Variants in SORCS2 observed in about 807,000 individuals in gnomAD.
The protein encoded by SORCS2 is VPS10 domain-containing receptor SorCS2.
SORCS2 carries 100 observed loss-of-function variants against 141.6 expected under a neutral mutation model. The observed-to-expected ratio is 0.71, with a 90% CI of 0.60 to 0.83. The LOEUF is 0.83. Ranked by LOEUF, SORCS2 falls within the 40% of genes least tolerant of loss-of-function variation. SORCS2 has a pLI of 0.00. For synonymous variants in SORCS2, 789 were observed against 676.9 expected, an observed-to-expected ratio of 1.17 and a Z score of -2.57; for missense variants, 1,646 against 1,560.2, an observed-to-expected ratio of 1.05 and a Z score of -0.93.
In SORCS2 at chr4:7,742,612, C is replaced by T. The variant is rs1340090419; in HGVS notation, c.*2348C>T. ...AGCCTGATACGTTCCCGTCTGTGCA[C>T]CCATGGAGATCCAGGCGTGGGCCCG... On this transcript the variant is annotated 3_prime_UTR_variant, in exon 27 of 27. Coordinates refer to ENST00000507866, the MANE Select transcript of SORCS2 (RefSeq NM_020777.3). 1.3e-5 allele frequency: 2 copies of T among 152,142 alleles called. No homozygotes were observed. Among genetic ancestry groups the T allele is most frequent in the Non-Finnish European group, 2.9e-5 (2 of 68,040 alleles). 9.4% of individuals were successfully genotyped at this position (152,142 alleles called of 1,614,324 possible).
chr4:7,740,298 G>T lies in SORCS2; in HGVS notation c.*34G>T. 6.3e-7 allele frequency: 1 copy of T among 1,597,212 alleles called. No homozygotes were observed. On this transcript the variant is annotated 3_prime_UTR_variant, in exon 27 of 27. Coordinates refer to ENST00000507866, the MANE Select transcript of SORCS2 (RefSeq NM_020777.3). ...CAGCATCTGTCTTTTCACCCACGGA[G>T]GGCACAGAACCACCAGCAAAGCCGG... is the stretch of plus-strand genomic sequence containing the variant.
chr4:7,699,301 T>C (rs1166335383), intron 12 of SORCS2, among the ~76,000 whole-genome samples: 3 of 152,120 alleles, frequency 2.0e-5, no homozygotes, highest in African/African-American at 7.2e-5. Context: ...GGAGCCACCT[T>C]TTCCCAGAGC....
chr4:7,470,370 CTTCCATCCATCCATCT>C (rs1465978458), intron 2 of SORCS2, among the ~76,000 whole-genome samples: 1 of 150,904 alleles, frequency 6.6e-6, no homozygotes, highest in Non-Finnish European at 1.5e-5. Flanking sequence ...TCCATCCATC[CTTCCATCCATCCATCT>C]ATCCTTCCAT....
chr4:7,280,248 C>T (rs778868052), intron 1 of SORCS2, among the ~76,000 whole-genome samples: 9 of 152,018 alleles, frequency 5.9e-5, no homozygotes, highest in African/African-American at 1.7e-4. Flanking sequence ...GGAAATCACA[C>T]GTGGATTTCT....
At chr4:7,359,865 G>A (rs1369000526) in intron 1 of SORCS2, among the ~76,000 whole-genome samples, 1 of 152,184 alleles carries the variant, frequency 6.6e-6, no homozygotes, top group African/African-American at 2.4e-5. Flanking sequence ...AACTGGCACT[G>A]CAGGAAGTGG....
At chr4:7,223,489 G>A (rs568265053) in intron 1 of SORCS2, among the ~76,000 whole-genome samples, 1 of 152,120 alleles carries the variant, frequency 6.6e-6, no homozygotes, top group Non-Finnish European at 1.5e-5. Flanking sequence ...AAATAATTAT[G>A]CTGATGTGCA....
intron 1 of SORCS2, among the ~76,000 whole-genome samples, chr4:7,391,378 G>A (rs1472563619): frequency 1.3e-5 from 2 of 152,184 alleles, no homozygotes; most frequent in East Asian, 3.9e-4. Flanking sequence ...CCCACTGCCG[G>A]AGCTTTGAGA....
intron 2 of SORCS2, among the ~76,000 whole-genome samples, chr4:7,456,740 C>T (rs1728937592): frequency 6.6e-6 from 1 of 152,112 alleles, no homozygotes; most frequent in South Asian, 2.1e-4. Context: ...TTGAGCCAGA[C>T]CTTGGGTGCC....
At chr4:7,361,619 AAG>A (rs1217251325) in intron 1 of SORCS2, among the ~76,000 whole-genome samples, 1 of 152,106 alleles carries the variant, frequency 6.6e-6, no homozygotes, top group Admixed American at 6.5e-5. Flanking sequence ...AATGGGAAAA[AAG>A]AGAGTCTGCT....
intron 2 of SORCS2, among the ~76,000 whole-genome samples, chr4:7,423,968 G>T (rs1726255743): frequency 6.6e-6 from 1 of 152,228 alleles, no homozygotes; most frequent in Non-Finnish European, 1.5e-5. Context: ...CTCAGCAAGG[G>T]CCCAGGCATG....
At chr4:7,329,619 G>A (rs1006773192) in intron 1 of SORCS2, among the ~76,000 whole-genome samples, 10 of 152,192 alleles carry the variant, frequency 6.6e-5, no homozygotes, top group Non-Finnish European at 1.0e-4. Context: ...AGAGAAACAC[G>A]AAGAAGCATA....
chr4:7,737,204 G>C, intron 26 of SORCS2, 32 bp downstream of exon 26: 3 of 1,549,692 alleles, frequency 1.9e-6, no homozygotes, highest in Non-Finnish European at 2.6e-6. Flanking sequence ...ATCTCGACTC[G>C]CAGACTCTAG....
intron 9 of SORCS2, among the ~76,000 whole-genome samples, chr4:7,678,087 C>G (rs1022520813): frequency 6.6e-6 from 1 of 152,204 alleles, no homozygotes; most frequent in African/African-American, 2.4e-5. Context: ...GGGTACAACA[C>G]GCACCATTCA....
At position 7,293,075 on chromosome 4, in the gene SORCS2, C is replaced by T. The variant is rs189106940; in HGVS notation, c.480+99949C>T. Among the ~76,000 whole-genome samples, 6 of 152,168 alleles carry T rather than the reference C, an allele frequency of 3.9e-5. No individual in the cohort carries two copies. The East Asian group carries it at 5.8e-4, about 15-fold the overall frequency. On this transcript the variant is annotated intron_variant, in intron 1 of 26. Transcript: ENST00000507866. ...TCCCAGCACTTTGGGAGGCCCGAGG[C>T]GGGCGGATCATGAGGTCAGGAGATC...
At chr4:7,658,097 G>A (rs184750355) in intron 5 of SORCS2, among the ~76,000 whole-genome samples, 19 of 152,140 alleles carry the variant, frequency 1.2e-4, no homozygotes, top group Middle Eastern at 3.4e-3. Flanking sequence ...ATGAATGAGC[G>A]AGTGGGTAAG....
At chr4:7,198,891 C>A (rs1577265933) in intron 1 of SORCS2, among the ~76,000 whole-genome samples, 1 of 152,126 alleles carries the variant, frequency 6.6e-6, no homozygotes. Flanking sequence ...CGCACGGTGA[C>A]CCAGGGCTTC....
intron 7 of SORCS2, among the ~76,000 whole-genome samples, chr4:7,666,493 C>G (rs1560468049): frequency 6.6e-6 from 1 of 152,200 alleles, no homozygotes; most frequent in Non-Finnish European, 1.5e-5. Flanking sequence ...GATCTGGGAG[C>G]CTGTGCTGGG....
At chr4:7,633,427 C>T (rs1197717477) in intron 3 of SORCS2, among the ~76,000 whole-genome samples, 2 of 152,194 alleles carry the variant, frequency 1.3e-5, no homozygotes, top group Non-Finnish European at 2.9e-5. Context: ...TTCTTCAGGG[C>T]TCATCTGGGT....
chr4:7,271,617 C>T (rs1374766101), intron 1 of SORCS2, among the ~76,000 whole-genome samples: 1 of 152,238 alleles, frequency 6.6e-6, no homozygotes, highest in Non-Finnish European at 1.5e-5. Context: ...CCATCGACTT[C>T]ATCATCCTGT....
Sources: gnomAD v4.1 joint callset for allele counts (sites outside exome capture counted in the v4.1 genomes callset) on GRCh38, gnomAD v4.1.1 for gene constraint, MANE v1.5 for transcripts, NCBI Gene and HGNC (gene_info 2026-07-23, HGNC 2026-07-21) for gene names.